The following FOXP1 variants were observed in gnomAD, a reference collection of about 807,000 sequenced individuals.
The protein encoded by FOXP1 is forkhead box protein P1.
A neutral mutation model predicts 98.2 loss-of-function variants in FOXP1; 15 were observed. The observed-to-expected ratio is 0.15, with a 90% confidence interval of 0.10 to 0.24. FOXP1 has a LOEUF of 0.24. Among genes scored for constraint, FOXP1 ranks in the 10% least tolerant of loss-of-function variants. FOXP1 has a pLI of 1.00. For missense variants in FOXP1, 633 were observed against 848.5 expected (o/e 0.75, Z 3.15); for synonymous variants, 371 against 314.5 (o/e 1.18, Z -1.90).
In FOXP1 at chr3:70,977,843, C is replaced by A. The variant is rs147756430; in HGVS notation, c.1333G>T (p.Val445Leu). 8.1e-6 allele frequency: 13 copies of A among 1,614,060 alleles called. 1 individual carries two copies. Among genetic ancestry groups the A allele is most frequent in the South Asian group, 5.5e-5 (5 of 91,078 alleles). Reference protein sequence around the residue: ...IRRRYSDKYNVPISSADIAQN... With the variant: ...IRRRYSDKYNLPISSADIAQN... ...GAGTATCTACCTGACGAAATGGGCACGTTGTATTTGTCTGAGTACCGCCTG... is the reference window on the plus strand; with the variant it reads ...GAGTATCTACCTGACGAAATGGGCAAGTTGTATTTGTCTGAGTACCGCCTG... Residue 445 changes from valine (V) to leucine (L), a missense_variant, in exon 15 of 21, where the codon GTG (valine) becomes TTG (leucine). Val to Leu is a conservative substitution (Grantham distance 32). Around this residue, in one of 6 missense-constraint regions of FOXP1, gnomAD observed 141 missense variants for 199.5 expected, o/e 0.71. Transcript: ENST00000649528.
At chr3:71,528,871 T>G (rs1029877024) in intron 2 of FOXP1, among the ~76,000 whole-genome samples, 1 of 152,214 alleles carries the variant, frequency 6.6e-6, no homozygotes, top group African/African-American at 2.4e-5. Context: ...TATTCTTTAC[T>G]AGCTGATTTG....
intron 3 of FOXP1, among the ~76,000 whole-genome samples, chr3:71,425,874 T>G (rs1577433120): frequency 1.3e-5 from 2 of 152,316 alleles, no homozygotes; most frequent in Middle Eastern, 3.4e-3. Flanking sequence ...TTCAAACTCT[T>G]GCAAATTTCC....
chr3:71,292,096 C>T (rs187674899), intron 5 of FOXP1, among the ~76,000 whole-genome samples: 8 of 152,244 alleles, frequency 5.3e-5, no homozygotes, highest in Non-Finnish European at 1.2e-4. Flanking sequence ...TTGAAAATGA[C>T]TGGTCTAAAT....
intron 6 of FOXP1, among the ~76,000 whole-genome samples, chr3:71,194,891 G>C (rs909778743): frequency 6.6e-6 from 1 of 152,206 alleles, no homozygotes; most frequent in Non-Finnish European, 1.5e-5. Context: ...CAGTTTGTGA[G>C]TGTGTTGGCG....
At position 70,958,737 on chromosome 3, in the gene FOXP1, CAAAAAAAAAAAAAA is replaced by C. The variant is rs10633687; in HGVS notation, c.*496_*509del. On this transcript the variant is annotated 3_prime_UTR_variant, in exon 21 of 21. Coordinates refer to ENST00000649528, the MANE Select transcript of FOXP1 (RefSeq NM_001349338.3). ...AGGCCTTCCCCATCCCAACTGGAAG[CAAAAAAAAAAAAAA>C]AAAAAAAAAAAAAAAAGGAGTAAAG... is the stretch of plus-strand genomic sequence containing the variant. 20 of 24,022 alleles carry C rather than the reference CAAAAAAAAAAAAAA, an allele frequency of 8.3e-4. No homozygotes were observed. Among genetic ancestry groups the C allele is most frequent in the East Asian group, 3.0e-3 (3 of 992 alleles). The allele number at this position is 24,022 out of a possible 1,614,324, so 1.5% of individuals were successfully genotyped here. A position where few individuals can be genotyped will look rare whatever the true frequency, so the allele number is the denominator to read the frequency against.
At chr3:71,516,305 T>G (rs1397472951) in intron 2 of FOXP1, among the ~76,000 whole-genome samples, 1 of 152,096 alleles carries the variant, frequency 6.6e-6, no homozygotes, top group Non-Finnish European at 1.5e-5. Context: ...CACACGTGTG[T>G]GTATCTGAGA....
At chr3:71,228,436 C>G (rs2066012827) in intron 5 of FOXP1, among the ~76,000 whole-genome samples, 1 of 152,012 alleles carries the variant, frequency 6.6e-6, no homozygotes, top group African/African-American at 2.4e-5. Flanking sequence ...CAAGGCTAAA[C>G]ACCACAGGAC....
intron 13 of FOXP1, among the ~76,000 whole-genome samples, chr3:70,996,855 G>A (rs2041441680): frequency 1.3e-5 from 2 of 152,196 alleles, no homozygotes. Context: ...TACGTACCAT[G>A]CTGAAGAGAG....
In FOXP1 at chr3:71,182,042, AG is replaced by A. The variant is rs201703114; in HGVS notation, c.180+16159del. The stretch of plus-strand genomic sequence containing the variant: ...AGAGCGAGACTCCATCTCAAAAAAA[AG>A]AAAAAAAAGAAAAAAAAAGAAAAAG... On this transcript the variant is annotated intron_variant, in intron 6 of 20. Transcript: ENST00000649528. Among the ~76,000 whole-genome samples the A allele has an allele frequency of 6.6e-4, 78 of 117,488 alleles. 10 individuals are homozygous for A. The highest frequency in any genetic ancestry group is 5.6e-3 in the Middle Eastern group (1 of 178). The allele number at this position is 117,488 out of a possible 152,430, so 77.1% of individuals were successfully genotyped here. A position where few individuals can be genotyped will look rare whatever the true frequency, so the allele number is the denominator to read the frequency against.
chr3:71,052,448 A>G, intron 9 of FOXP1, 89 bp downstream of exon 9: 1 of 824,284 alleles, frequency 1.2e-6, no homozygotes, highest in Non-Finnish European at 2.2e-6. Context: ...TCAGTTGTGC[A>G]ATCATTTAAA....
At chr3:71,098,122 C>T (rs1179046035) in intron 7 of FOXP1, among the ~76,000 whole-genome samples, 1 of 152,154 alleles carries the variant, frequency 6.6e-6, no homozygotes, top group African/African-American at 2.4e-5. Context: ...GTTTTGCTTT[C>T]ATTTGTCTTA....
At chr3:71,290,217 T>C (rs2072601058) in intron 5 of FOXP1, among the ~76,000 whole-genome samples, 2 of 152,132 alleles carry the variant, frequency 1.3e-5, no homozygotes, top group Admixed American at 6.5e-5. Context: ...AGCACCACCT[T>C]CTATCAGTTC....
chr3:71,017,742 A>G lies in FOXP1; in HGVS notation c.870-2089T>C, dbSNP rs558390160. On this transcript the variant is annotated intron_variant, in intron 11 of 20. Transcript: ENST00000649528. ...CATTGAGTTTCTCTTCATGTTTGTT[A>G]TATTTGTAGATAATGTTAGAAATAA... is the stretch of plus-strand genomic sequence containing the variant. Among the ~76,000 whole-genome samples the G allele has an allele frequency of 2.5e-4, 38 of 152,272 alleles. No individual in the cohort carries two copies. In the East Asian group the frequency reaches 4.8e-3, roughly 19 times the overall value.
At chr3:71,413,259 GACACACACACAC>G (rs528319234) in intron 3 of FOXP1, among the ~76,000 whole-genome samples, 5 of 64,414 alleles carry the variant, frequency 7.8e-5, no homozygotes, top group Non-Finnish European at 1.5e-4. Flanking sequence ...CCCCCAAATA[GACACACACACAC>G]ACACACACAC....
At chr3:71,207,144 A>G (rs1476598486) in intron 5 of FOXP1, among the ~76,000 whole-genome samples, 1 of 152,212 alleles carries the variant, frequency 6.6e-6, no homozygotes, top group Admixed American at 6.5e-5. Context: ...AAGTTTGAGA[A>G]CTAACAAAGC....
At chr3:71,504,145 A>C (rs2041630406) in intron 2 of FOXP1, among the ~76,000 whole-genome samples, 1 of 152,162 alleles carries the variant, frequency 6.6e-6, no homozygotes, top group South Asian at 2.1e-4. Context: ...CATCTTTTTG[A>C]ACAATACTAT....
intron 6 of FOXP1, among the ~76,000 whole-genome samples, chr3:71,139,492 TAA>T (rs913590340): frequency 1.4e-5 from 2 of 142,830 alleles, no homozygotes; most frequent in Admixed American, 7.0e-5. Flanking sequence ...GTAGAGTGAT[TAA>T]AAAAAAAAAA....
chr3:71,164,932 G>A (rs181702629), intron 6 of FOXP1, among the ~76,000 whole-genome samples: 7 of 152,300 alleles, frequency 4.6e-5, no homozygotes, highest in Non-Finnish European at 7.3e-5. Flanking sequence ...GAGTAGTTAA[G>A]ATGACCAGAG....
chr3:71,327,591 G>T (rs1315147653), intron 4 of FOXP1, among the ~76,000 whole-genome samples: 1 of 151,446 alleles, frequency 6.6e-6, no homozygotes, highest in South Asian at 2.1e-4. Flanking sequence ...GTTTCACCGT[G>T]TTAGCCAGGA....
Sources: allele counts gnomAD v4.1 joint callset (sites outside exome capture counted in the v4.1 genomes callset), GRCh38; gene constraint gnomAD v4.1.1; regional missense constraint gnomAD v4.1.1; transcripts MANE v1.5; gene names NCBI Gene and HGNC (gene_info 2026-07-23, HGNC 2026-07-21).